Variants in RELN observed in about 807,000 individuals in gnomAD.
RELN encodes the protein reelin.
A neutral mutation model predicts 427.6 loss-of-function variants in RELN; 108 were observed. That is an observed-to-expected ratio of 0.25 (90% CI 0.22 to 0.30). The LOEUF (loss-of-function observed/expected upper bound fraction) is 0.30, where lower values mean the gene tolerates loss of function less well. Among genes scored for constraint, RELN ranks in the 10% least tolerant of loss-of-function variants. RELN has a pLI of 1.00. For missense variants in RELN, 3,715 were observed against 4,302.8 expected, an observed-to-expected ratio of 0.86 and a Z score of 3.82; for synonymous variants, 1,524 against 1,513.4, an observed-to-expected ratio of 1.01 and a Z score of -0.16.
At chr7:103,554,339 G>C (rs1395418466) in intron 38 of RELN, among the ~76,000 whole-genome samples, 2 of 136,600 alleles carry the variant, frequency 1.5e-5, no homozygotes, top group Non-Finnish European at 2.9e-5. Context: ...CACTTTGGGG[G>C]CCCAAGATGG....
At chr7:103,972,251 G>A (rs1796778743) in intron 1 of RELN, among the ~76,000 whole-genome samples, 2 of 152,184 alleles carry the variant, frequency 1.3e-5, no homozygotes, top group African/African-American at 4.8e-5. Context: ...AACACATATA[G>A]CTGAGTGAGA....
intron 11 of RELN, among the ~76,000 whole-genome samples, chr7:103,672,639 A>G (rs1833418736): frequency 6.6e-6 from 1 of 152,110 alleles, no homozygotes; most frequent in Non-Finnish European, 1.5e-5. Flanking sequence ...CAATTCTTTT[A>G]ATTAATATTT....
At chr7:103,565,230 G>A (rs1402193539) in intron 34 of RELN, 48 bp downstream of exon 34, 2 of 1,595,342 alleles carry the variant, frequency 1.3e-6, no homozygotes, top group Admixed American at 1.7e-5. Flanking sequence ...TTCAAATTAA[G>A]TGACAGGCAC....
chr7:103,977,310 C>CAAAAAAAAAAAAAAAAAAAAAA (rs201026012), intron 1 of RELN, among the ~76,000 whole-genome samples: 50 of 88,258 alleles, frequency 5.7e-4, no homozygotes, highest in African/African-American at 2.4e-3. Flanking sequence ...GACTCTGTCT[C>CAAAAAAAAAAAAAAAAAAAAAA]AAAAAAAAAA....
chr7:103,872,718 A>G (rs1794377697), intron 2 of RELN, among the ~76,000 whole-genome samples: 10 of 147,950 alleles, frequency 6.8e-5, no homozygotes, highest in Admixed American at 6.1e-4. Context: ...CATCCTCTCC[A>G]GCACCTGTTG....
intron 6 of RELN, among the ~76,000 whole-genome samples, chr7:103,730,134 G>A (rs2115945844): frequency 1.3e-5 from 2 of 152,074 alleles, no homozygotes; most frequent in South Asian, 4.1e-4. Flanking sequence ...GTAAAAGAAT[G>A]TTCAAACCTC....
chr7:103,486,553 CAA>C (rs1210570296), intron 60 of RELN, 137 bp from the exon 61 acceptor site: 465 of 447,482 alleles, frequency 1.0e-3, no homozygotes, highest in Middle Eastern at 1.3e-3. Context: ...AACAACTTTA[CAA>C]AAAAAAAAAA....
intron 28 of RELN, among the ~76,000 whole-genome samples, chr7:103,581,191 T>A (rs1343775604): frequency 6.6e-6 from 1 of 152,162 alleles, no homozygotes; most frequent in Non-Finnish European, 1.5e-5. Flanking sequence ...ATCATTGGAA[T>A]GTTCTTGTCC....
chr7:103,878,357 A>C (rs1188217072), intron 2 of RELN, among the ~76,000 whole-genome samples: 1 of 152,160 alleles, frequency 6.6e-6, no homozygotes, highest in Non-Finnish European at 1.5e-5. Flanking sequence ...TGTATCTTTG[A>C]TGTCTACTTT....
intron 3 of RELN, among the ~76,000 whole-genome samples, chr7:103,826,301 C>T (rs963189419): frequency 8.0e-6 from 1 of 124,634 alleles, no homozygotes; most frequent in African/African-American, 2.7e-5. Context: ...GTTACAGAAG[C>T]ACAAAACAGA....
intron 1 of RELN, among the ~76,000 whole-genome samples, chr7:103,924,025 C>T (rs953462466): frequency 1.3e-5 from 2 of 152,166 alleles, no homozygotes; most frequent in African/African-American, 2.4e-5. Flanking sequence ...TGTGCCTTAA[C>T]TAGCATGTGA....
rs1796692606 is a variant in RELN, at chr7:103,968,031, T to C, written c.226+21100A>G. 6.7e-6 allele frequency among the ~76,000 whole-genome samples: 1 copy of C among 148,678 alleles called. No individual in the cohort carries two copies. The highest frequency in any genetic ancestry group is 1.5e-5 in the Non-Finnish European group (1 of 67,278). On this transcript the variant is annotated intron_variant, in intron 1 of 64. Coordinates refer to ENST00000428762, the MANE Select transcript of RELN (RefSeq NM_005045.4). This position sits in a 1 kb window ranked among gnomAD's most constrained non-coding sequence, Gnocchi z 4.3. ...TTATATATAAATATAAAATATATTT[T>C]GTATATATATTTATATATATGAATA...
At chr7:103,831,153 T>G (rs1044408720) in intron 3 of RELN, among the ~76,000 whole-genome samples, 1 of 152,130 alleles carries the variant, frequency 6.6e-6, no homozygotes, top group Non-Finnish European at 1.5e-5. Flanking sequence ...AGTTCTATAT[T>G]GCTGATATAG....
At chr7:103,898,050 C>T (rs1795000239) in intron 2 of RELN, among the ~76,000 whole-genome samples, 2 of 152,008 alleles carry the variant, frequency 1.3e-5, no homozygotes, top group East Asian at 1.9e-4. Context: ...TGACTCAATG[C>T]TAGTACTGAC....
intron 1 of RELN, among the ~76,000 whole-genome samples, chr7:103,935,912 C>T (rs1366896225): frequency 6.6e-6 from 1 of 152,136 alleles, no homozygotes; most frequent in Non-Finnish European, 1.5e-5. Context: ...AGCTGTTCAA[C>T]CAAGTGCAAA....
intron 2 of RELN, among the ~76,000 whole-genome samples, chr7:103,902,464 C>T (rs915610417): frequency 6.6e-6 from 1 of 151,890 alleles, no homozygotes; most frequent in Non-Finnish European, 1.5e-5. Flanking sequence ...TGAAAGAGAA[C>T]CGGAAATAAC....
chr7:103,980,101 G>A (rs1043537435), intron 1 of RELN, among the ~76,000 whole-genome samples: 11 of 150,810 alleles, frequency 7.3e-5, no homozygotes, highest in Non-Finnish European at 8.8e-5. Context: ...CGGAGGTTTC[G>A]TTGACGGAAG....
At chr7:103,664,447 C>A (rs957546846) in intron 11 of RELN, among the ~76,000 whole-genome samples, 1 of 152,172 alleles carries the variant, frequency 6.6e-6, no homozygotes, top group Non-Finnish European at 1.5e-5. Context: ...GAATTGAGGG[C>A]ATAGCCAGAT....
chr7:103,877,348 T>C (rs919941957), intron 2 of RELN, among the ~76,000 whole-genome samples: 2 of 152,196 alleles, frequency 1.3e-5, no homozygotes, highest in African/African-American at 4.8e-5. Context: ...TATTTGCTCA[T>C]GATGTGCTCC....
Sources: allele counts gnomAD v4.1 joint callset (sites outside exome capture counted in the v4.1 genomes callset), GRCh38; gene constraint gnomAD v4.1.1; non-coding constraint Gnocchi (gnomAD v3.1); transcripts MANE v1.5; gene names NCBI Gene and HGNC (gene_info 2026-07-23, HGNC 2026-07-21).